The following C3orf20 variants were observed in gnomAD, a reference collection of about 807,000 sequenced individuals.
C3orf20 encodes the protein family with sequence similarity 149 member C.
Under a neutral mutation model 88.3 loss-of-function variants are expected in C3orf20, and 76 were observed. The observed-to-expected ratio is 0.86, with a 90% CI of 0.72 to 1.04. C3orf20 has a LOEUF of 1.04. Among genes scored for constraint, C3orf20 ranks in the 50% least tolerant of loss-of-function variants. C3orf20 has a pLI of 0.00. For missense variants in C3orf20, 1,056 were observed against 1,123.3 expected (o/e 0.94, Z 0.86); for synonymous variants, 436 against 437.4 (o/e 1.00, Z 0.04).
intron 12 of C3orf20, among the ~76,000 whole-genome samples, chr3:14,751,729 C>A (rs1437993072): frequency 6.6e-6 from 1 of 152,094 alleles, no homozygotes; most frequent in African/African-American, 2.4e-5. Flanking sequence ...CTCCCATTCA[C>A]AATTACTACC....
Position 14,682,606 on chromosome 3 carries a change from C to T in C3orf20, c.-108C>T. The T allele has an allele frequency of 7.1e-7, 1 of 1,402,056 alleles. No homozygotes were observed. The highest frequency in any genetic ancestry group is 9.6e-7 in the Non-Finnish European group (1 of 1,041,410). The allele number at this position is 1,402,056 out of a possible 1,614,324, so 86.9% of individuals were successfully genotyped here. ...CCACTGGCTCAATGACCTGTAAGGG[C>T]CGTTTCAGCACATCCATTCTGTCCA... On this transcript the variant is annotated 5_prime_UTR_variant, in exon 3 of 17. Coordinates refer to ENST00000253697, the MANE Select transcript of C3orf20 (RefSeq NM_032137.5).
Position 14,721,736 on chromosome 3 carries a change from C to T in C3orf20, c.1518C>T (p.Leu506=), listed in dbSNP as rs768164832. The change falls in exon 10 of 17, where the codon CTC becomes CTT. Residue 506 remains leucine, a synonymous_variant. Coordinates refer to ENST00000253697, the MANE Select transcript of C3orf20 (RefSeq NM_032137.5). ...TFTSLNETVT[L]TVSANNCPHG... Reference sequence around the variant, plus strand: ...CCTCCCTGAATGAGACAGTAACACTCACTGTGTCGGCCAACAATTGTCCCC... The same window carrying T: ...CCTCCCTGAATGAGACAGTAACACTTACTGTGTCGGCCAACAATTGTCCCC... 9 of 1,614,200 alleles carry T rather than the reference C, an allele frequency of 5.6e-6. No homozygotes were observed. The highest frequency in any genetic ancestry group is 7.6e-6 in the Non-Finnish European group (9 of 1,180,026).
intron 4 of C3orf20, among the ~76,000 whole-genome samples, chr3:14,687,994 T>C (rs1403835515): frequency 6.6e-6 from 1 of 152,198 alleles, no homozygotes; most frequent in African/African-American, 2.4e-5. Flanking sequence ...CTCCTCTCTT[T>C]AATTAAGCCT....
chr3:14,772,345 C>A lies in C3orf20; in HGVS notation c.2630+144C>A. 2 of 1,041,486 alleles carry A rather than the reference C, an allele frequency of 1.9e-6. No homozygotes were observed. Among genetic ancestry groups the A allele is most frequent in the Non-Finnish European group, 2.8e-6 (2 of 715,044 alleles). The allele number at this position is 1,041,486 out of a possible 1,614,324, so 64.5% of individuals were successfully genotyped here. On this transcript the variant is annotated intron_variant, in intron 16 of 16. Coordinates refer to ENST00000253697, the MANE Select transcript of C3orf20 (RefSeq NM_032137.5). This position sits in a 1 kb window ranked among gnomAD's most constrained non-coding sequence, Gnocchi z 4.2. The stretch of plus-strand genomic sequence containing the variant: ...TGACATCTAGCCCATGTAATCAACA[C>A]AATATTGGGCGGGCATGCAGGCTGC...
intron 15 of C3orf20, among the ~76,000 whole-genome samples, chr3:14,764,048 A>G (rs574733283): frequency 6.6e-6 from 1 of 152,266 alleles, no homozygotes; most frequent in East Asian, 1.9e-4. Context: ...CAAACTATAA[A>G]CACATGTAAA....
intron 15 of C3orf20, 110 bp downstream of exon 15, chr3:14,761,725 GA>G: frequency 1.7e-5 from 10 of 601,640 alleles, no homozygotes; most frequent in East Asian, 4.7e-5. Flanking sequence ...GGGCTGAAGG[GA>G]TGGAGTGGGG....
In C3orf20 at chr3:14,692,753, A is replaced by G. The variant is rs144130952; in HGVS notation, c.745+2637A>G. 9.0e-4 allele frequency among the ~76,000 whole-genome samples: 137 copies of G among 152,108 alleles called. 1 individual carries two copies. The highest frequency in any genetic ancestry group is 3.1e-3 in the African/African-American group (128 of 41,496). On this transcript the variant is annotated intron_variant, in intron 5 of 16. Transcript: ENST00000253697. Reference sequence around the variant, plus strand: ...TAACTTGATGTGATCTGATTTGTCCATTTTTGTTTTGGTTGCCTGTGCTTG... The same window carrying G: ...TAACTTGATGTGATCTGATTTGTCCGTTTTTGTTTTGGTTGCCTGTGCTTG...
At chr3:14,740,418 A>G (rs932925567) in intron 12 of C3orf20, among the ~76,000 whole-genome samples, 4 of 152,206 alleles carry the variant, frequency 2.6e-5, no homozygotes, top group African/African-American at 9.7e-5. Flanking sequence ...CCAAACAATT[A>G]CAATAGTAAC....
At chr3:14,677,349 T>TA (rs912416669) in intron 1 of C3orf20, among the ~76,000 whole-genome samples, 3 of 152,122 alleles carry the variant, frequency 2.0e-5, no homozygotes, top group Non-Finnish European at 4.4e-5. Context: ...TCTGGCCGGG[T>TA]ACCCTTGATT....
Position 14,726,988 on chromosome 3 carries a change from G to A in C3orf20, c.1654G>A (p.Val552Met). Residue 552 changes from valine to methionine, a missense_variant, in exon 11 of 17, where the codon GTG becomes ATG. Transcript: ENST00000253697. ...GATCAAGAAGCGGTTTCAGAAGACA[G>A]TGACTCAGTTCATTAATTCTATCTT... ...AEIKKRFQKT[V>M]TQFINSILLA... The A allele has an allele frequency of 6.2e-7, 1 of 1,614,192 alleles. No homozygotes were observed. The highest frequency in any genetic ancestry group is 1.3e-5 in the African/African-American group (1 of 75,050).
chr3:14,684,007 A>G (rs2032258585), intron 3 of C3orf20, among the ~76,000 whole-genome samples: 1 of 151,952 alleles, frequency 6.6e-6, no homozygotes, highest in Non-Finnish European at 1.5e-5. Flanking sequence ...AACCAATAGC[A>G]TCGGTACCCA....
intron 7 of C3orf20, among the ~76,000 whole-genome samples, chr3:14,710,942 G>A (rs1206621652): frequency 6.6e-6 from 1 of 150,614 alleles, no homozygotes; most frequent in African/African-American, 2.4e-5. Context: ...CACCCAGACT[G>A]GGGTGCAGTG....
chr3:14,695,472 T>C (rs953099271), intron 5 of C3orf20, among the ~76,000 whole-genome samples: 1 of 152,176 alleles, frequency 6.6e-6, no homozygotes, highest in South Asian at 2.1e-4. Context: ...TTTGCAGCCA[T>C]TGCATGAAAT....
chr3:14,744,754 C>T (rs375276630), intron 12 of C3orf20, among the ~76,000 whole-genome samples: 1 of 151,382 alleles, frequency 6.6e-6, no homozygotes, highest in Non-Finnish European at 1.5e-5. Context: ...ACCCCTGATA[C>T]ACCCATCAGA....
intron 12 of C3orf20, among the ~76,000 whole-genome samples, chr3:14,734,383 CT>C (rs919287943): frequency 2.0e-5 from 3 of 152,042 alleles, no homozygotes; most frequent in Non-Finnish European, 2.9e-5. Context: ...ATCCCGCAAG[CT>C]TTGATATGCC....
chr3:14,712,149 AACAG>A (rs2033764042), intron 7 of C3orf20, among the ~76,000 whole-genome samples: 1 of 144,982 alleles, frequency 6.9e-6, no homozygotes, highest in Non-Finnish European at 1.5e-5. Flanking sequence ...AAGAAGAGAA[AACAG>A]ACACACACAC....
chr3:14,756,028 CAA>C (rs56242160), intron 12 of C3orf20, among the ~76,000 whole-genome samples: 108 of 72,718 alleles, frequency 1.5e-3, no homozygotes, highest in African/African-American at 3.1e-3. Flanking sequence ...GACTCCATCT[CAA>C]AAAAAAAAAA....
chr3:14,741,167 AC>A (rs1480196095), intron 12 of C3orf20, among the ~76,000 whole-genome samples: 1 of 152,150 alleles, frequency 6.6e-6, no homozygotes, highest in Non-Finnish European at 1.5e-5. Context: ...AAGGATTGAA[AC>A]TGTGCTTCAG....
intron 15 of C3orf20, among the ~76,000 whole-genome samples, chr3:14,763,338 A>G (rs1487077128): frequency 1.3e-5 from 2 of 152,172 alleles, no homozygotes; most frequent in Non-Finnish European, 2.9e-5. Flanking sequence ...GTGTCTGGGA[A>G]GGGCTGCTTC....
Sources: allele counts gnomAD v4.1 joint callset (sites outside exome capture counted in the v4.1 genomes callset), GRCh38; gene constraint gnomAD v4.1.1; non-coding constraint Gnocchi (gnomAD v3.1); transcripts MANE v1.5; gene names NCBI Gene and HGNC (gene_info 2026-07-23, HGNC 2026-07-21).